Variants in ZBTB20 observed in about 807,000 individuals in gnomAD.
ZBTB20 encodes zinc finger and BTB domain-containing protein 20.
In ZBTB20, 9 loss-of-function variants were observed where a neutral mutation model predicts 56.9. The observed-to-expected ratio is 0.16, with a 90% CI of 0.10 to 0.28. The LOEUF (loss-of-function observed/expected upper bound fraction) is 0.28, where lower values mean the gene tolerates loss of function less well. Ranked by LOEUF, ZBTB20 falls within the 10% of genes least tolerant of loss-of-function variation. The probability of loss-of-function intolerance (pLI) is 1.00; values close to 1 mark genes in which losing one functional copy is unlikely to be tolerated. For synonymous variants in ZBTB20, 417 were observed against 420.7 expected (o/e 0.99, Z 0.11); for missense variants, 655 against 1,003.0 (o/e 0.65, Z 4.69).
intron 5 of ZBTB20, among the ~76,000 whole-genome samples, chr3:114,761,918 T>C (rs568505997): frequency 1.3e-5 from 2 of 152,060 alleles, no homozygotes; most frequent in East Asian, 3.9e-4. Context: ...GTGTAAAATA[T>C]ATGGCATTTG....
At position 114,618,746 on chromosome 3, in the gene ZBTB20, T is replaced by C. The variant is rs561639427; in HGVS notation, c.-295+74782A>G. 1.5e-3 allele frequency among the ~76,000 whole-genome samples: 235 copies of C among 152,274 alleles called. No individual in the cohort carries two copies. The Middle Eastern group carries it at 0.02, about 13-fold the overall frequency. On this transcript the variant is annotated intron_variant, in intron 6 of 11. Transcript: ENST00000675478. ...GTCCCAGAAAGGTTAGGAGCCAAAATTAAAGCTACTATACATAGCTTAAAC... is the reference window on the plus strand; with the variant it reads ...GTCCCAGAAAGGTTAGGAGCCAAAACTAAAGCTACTATACATAGCTTAAAC...
At chr3:114,464,128 A>G (rs967802692) in intron 7 of ZBTB20, among the ~76,000 whole-genome samples, 2 of 152,170 alleles carry the variant, frequency 1.3e-5, no homozygotes, top group Non-Finnish European at 2.9e-5. Context: ...GTTTACAAGT[A>G]GCATTTGCTT....
chr3:114,436,205 T>A (rs2090503693), intron 7 of ZBTB20, among the ~76,000 whole-genome samples: 1 of 152,232 alleles, frequency 6.6e-6, no homozygotes. Context: ...CCTTTGATTC[T>A]TGTGCTGACA....
intron 5 of ZBTB20, among the ~76,000 whole-genome samples, chr3:114,754,524 T>C (rs1254540626): frequency 6.6e-6 from 1 of 152,172 alleles, no homozygotes; most frequent in Non-Finnish European, 1.5e-5. Context: ...TATAATACCA[T>C]ATGGAACCTT....
At chr3:114,789,480 A>T (rs766834481) in intron 5 of ZBTB20, among the ~76,000 whole-genome samples, 16 of 152,172 alleles carry the variant, frequency 1.1e-4, no homozygotes, top group Non-Finnish European at 1.9e-4. Context: ...TTAACATTTT[A>T]AAAAAACTTT....
chr3:114,744,225 G>A (rs1246627515), intron 5 of ZBTB20, among the ~76,000 whole-genome samples: 1 of 152,152 alleles, frequency 6.6e-6, no homozygotes, highest in East Asian at 1.9e-4. Flanking sequence ...AGAATCACAA[G>A]CTTTCCACAG....
intron 5 of ZBTB20, among the ~76,000 whole-genome samples, chr3:114,702,640 A>G (rs1399321972): frequency 6.6e-6 from 1 of 151,622 alleles, no homozygotes; most frequent in Non-Finnish European, 1.5e-5. Flanking sequence ...TTTAAGCTAA[A>G]TGGGACATAG....
At chr3:114,651,755 G>A (rs2060146257) in intron 6 of ZBTB20, among the ~76,000 whole-genome samples, 1 of 152,016 alleles carries the variant, frequency 6.6e-6, no homozygotes, top group African/African-American at 2.4e-5. Context: ...AACACGAGCA[G>A]TGAACACTTG....
chr3:114,352,322 T>C lies in ZBTB20; in HGVS notation c.200-444A>G, dbSNP rs914548795. Among the ~76,000 whole-genome samples, 6 of 152,246 alleles carry C rather than the reference T, an allele frequency of 3.9e-5. No individual in the cohort carries two copies. In the South Asian group the frequency reaches 1.0e-3, roughly 26 times the overall value. ...TAGACAGGCCTAAGCCCAGATTCTT[T>C]GGGAAAGTTTACATTTCCCCCAACT... On this transcript the variant is annotated intron_variant, in intron 10 of 11. Coordinates refer to ENST00000675478, the MANE Select transcript of ZBTB20 (RefSeq NM_001348800.3).
chr3:114,507,238 A>G (rs2044738991), intron 6 of ZBTB20, among the ~76,000 whole-genome samples: 1 of 152,192 alleles, frequency 6.6e-6, no homozygotes, highest in Admixed American at 6.6e-5. Context: ...TGCCCTGTCC[A>G]TCAGCATATA....
chr3:115,125,057 T>C (rs2084287258), intron 1 of ZBTB20, among the ~76,000 whole-genome samples: 1 of 151,822 alleles, frequency 6.6e-6, no homozygotes, highest in African/African-American at 2.4e-5. Context: ...AAATGTGATA[T>C]ACAGGCCAGG....
chr3:114,796,807 G>C (rs1330476082), intron 5 of ZBTB20, among the ~76,000 whole-genome samples: 1 of 151,936 alleles, frequency 6.6e-6, no homozygotes, highest in Non-Finnish European at 1.5e-5. Flanking sequence ...AAACTAGTGT[G>C]ATTTCTAGTT....
rs541037263 is a variant in ZBTB20 at position 114,805,440 on chromosome 3, C to T, written c.-416-4266G>A. Among the ~76,000 whole-genome samples the T allele has an allele frequency of 4.6e-5, 7 of 151,664 alleles. No individual in the cohort carries two copies. The South Asian group carries it at 8.3e-4, about 18-fold the overall frequency. On this transcript the variant is annotated intron_variant, in intron 4 of 11. Coordinates refer to ENST00000675478, the MANE Select transcript of ZBTB20 (RefSeq NM_001348800.3). ...TTTACAACTTTGATTTGTCCAATCC[C>T]GTAACTAGATTCGGATTATAGGTTT...
chr3:114,356,253 C>T (rs1375557181), intron 10 of ZBTB20: 1 of 152,270 alleles, frequency 6.6e-6, no homozygotes, highest in South Asian at 2.1e-4. Context: ...TTTGCAGGAA[C>T]GTTGCTCCTG....
At chr3:114,691,917 C>T (rs2062721012) in intron 6 of ZBTB20, among the ~76,000 whole-genome samples, 1 of 152,088 alleles carries the variant, frequency 6.6e-6, no homozygotes, top group Admixed American at 6.5e-5. Flanking sequence ...AAGATATGTT[C>T]TCCTTCCCCA....
In ZBTB20 at chr3:114,572,008, C is replaced by G. The variant is rs879495640; in HGVS notation, c.-294-71617G>C. Among the ~76,000 whole-genome samples the G allele has an allele frequency of 6.6e-5, 10 of 151,912 alleles. 1 individual carries two copies. Among genetic ancestry groups the G allele is most frequent in the Middle Eastern group, 3.4e-3 (1 of 294 alleles). On this transcript the variant is annotated intron_variant, in intron 6 of 11. Transcript: ENST00000675478. The stretch of plus-strand genomic sequence containing the variant: ...GGCATTAATGCTAATAATAATGGCC[C>G]AAGGGCTTAGCTAGGCATGATGTTA...
At chr3:114,797,189 T>A (rs1041062400) in intron 5 of ZBTB20, among the ~76,000 whole-genome samples, 3 of 151,714 alleles carry the variant, frequency 2.0e-5, no homozygotes, top group Non-Finnish European at 4.4e-5. Context: ...TATTTTGCCA[T>A]CTAGTATCTT....
intron 5 of ZBTB20, among the ~76,000 whole-genome samples, chr3:114,720,529 A>G (rs2064845591): frequency 6.6e-6 from 1 of 152,182 alleles, no homozygotes; most frequent in Admixed American, 6.6e-5. Flanking sequence ...GTAAGAAAGC[A>G]GCATGATGAC....
chr3:114,338,932 G>T lies in ZBTB20; in HGVS notation c.*73C>A. The T allele has an allele frequency of 7.0e-7, 1 of 1,428,804 alleles. No homozygotes were observed. The highest frequency in any genetic ancestry group is 9.3e-7 in the Non-Finnish European group (1 of 1,074,678). The allele number at this position is 1,428,804 out of a possible 1,614,324, so 88.5% of individuals were successfully genotyped here. A position where few individuals can be genotyped will look rare whatever the true frequency, so the allele number is the denominator to read the frequency against. On this transcript the variant is annotated 3_prime_UTR_variant, in exon 12 of 12. Coordinates refer to ENST00000675478, the MANE Select transcript of ZBTB20 (RefSeq NM_001348800.3). ...ACCAAAACATTTCTTAAATTCTAGT[G>T]CCATAGCTTTTTTGTTTGTTTGTTT... is the stretch of plus-strand genomic sequence containing the variant.
Sources: gnomAD v4.1 joint callset for allele counts (sites outside exome capture counted in the v4.1 genomes callset) on GRCh38, gnomAD v4.1.1 for gene constraint, MANE v1.5 for transcripts, NCBI Gene and HGNC (gene_info 2026-07-23, HGNC 2026-07-21) for gene names.